The following TOR1B variants were observed in gnomAD, a reference collection of about 807,000 sequenced individuals.
TOR1B encodes torsin family 1 member B, also known as torsin-1B.
A neutral mutation model predicts 29.2 loss-of-function variants in TOR1B; 14 were observed. That is an observed-to-expected ratio of 0.48 (90% CI 0.32 to 0.75). The LOEUF (loss-of-function observed/expected upper bound fraction) is 0.75, where lower values mean the gene tolerates loss of function less well. TOR1B is among the 30% of genes least tolerant of loss of function. The pLI is 0.04. For synonymous variants in TOR1B, 166 were observed against 179.8 expected, an observed-to-expected ratio of 0.92 and a Z score of 0.62; for missense variants, 400 against 433.9, an observed-to-expected ratio of 0.92 and a Z score of 0.69.
At position 129,803,344 on chromosome 9, in the gene TOR1B, G is replaced by A. The variant is rs1255198523; in HGVS notation, c.132G>A (p.Leu44=). 2.5e-6 allele frequency: 4 copies of A among 1,589,418 alleles called. No homozygotes were observed. The highest frequency in any genetic ancestry group is 2.6e-6 in the Non-Finnish European group (3 of 1,171,434). The change falls in exon 1 of 5, where the codon CTG becomes CTA. Residue 44 remains leucine, a synonymous_variant. Transcript: ENST00000259339. ...CCGCGTCGGCCATCACCGGCTACCT[G>A]TCCTACAATGACATCTACTGCCGCT... The part of the protein sequence containing the change: ...IGAASAITGY[L]SYNDIYCRFA...
In TOR1B at chr9:129,811,079, GAATT is replaced by G. The variant is rs1254014191; in HGVS notation, c.*1501_*1504del. On this transcript the variant is annotated 3_prime_UTR_variant, in exon 5 of 5. Coordinates refer to ENST00000259339, the MANE Select transcript of TOR1B (RefSeq NM_014506.3). ...GCATTTTTTACATAAAAATATGGTA[GAATT>G]AATTTATGACATGGAAATGCCTTAC... 6.6e-6 allele frequency: 1 copy of G among 152,120 alleles called. No homozygotes were observed. Among genetic ancestry groups the G allele is most frequent in the African/African-American group, 2.4e-5 (1 of 41,404 alleles). The allele number at this position is 152,120 out of a possible 1,614,324, so 9.4% of individuals were successfully genotyped here. A position where few individuals can be genotyped will look rare whatever the true frequency, so the allele number is the denominator to read the frequency against.
chr9:129,810,346 T>C lies in TOR1B; in HGVS notation c.*763T>C, dbSNP rs71481355. The C allele has an allele frequency of 5.7e-5, 57 of 996,220 alleles. No homozygotes were observed. The highest frequency in any genetic ancestry group is 6.7e-5 in the African/African-American group (3 of 44,750). The allele number at this position is 996,220 out of a possible 1,614,324, so 61.7% of individuals were successfully genotyped here. Reference sequence around the variant, plus strand: ...TGATCTGAGCTGACCTGTGTGTGTGTGTGTGGGGGGGTGGGGCCTTCACCT... The same window carrying C: ...TGATCTGAGCTGACCTGTGTGTGTGCGTGTGGGGGGGTGGGGCCTTCACCT... On this transcript the variant is annotated 3_prime_UTR_variant, in exon 5 of 5. Coordinates refer to ENST00000259339, the MANE Select transcript of TOR1B (RefSeq NM_014506.3).
At chr9:129,803,533 T>G in intron 1 of TOR1B, 122 bp downstream of exon 1, 36 of 913,924 alleles carry the variant, frequency 3.9e-5, no homozygotes, top group South Asian at 4.4e-5. Context: ...ACGGCGGTGG[T>G]CCCAGCTGGG....
In TOR1B at chr9:129,810,386, A is replaced by C. The variant is rs969976109; in HGVS notation, c.*803A>C. 20 of 1,232,830 alleles carry C rather than the reference A, an allele frequency of 1.6e-5. No homozygotes were observed. Among genetic ancestry groups the C allele is most frequent in the Middle Eastern group, 6.9e-4 (2 of 2,900 alleles). The allele number at this position is 1,232,830 out of a possible 1,614,324, so 76.4% of individuals were successfully genotyped here. On this transcript the variant is annotated 3_prime_UTR_variant, in exon 5 of 5. Transcript: ENST00000259339. ...GGCCTTCACCTAAGACCTCTGCAGC[A>C]GACCTGGACAGACAGGCCCCTCCCG...
intron 2 of TOR1B, 61 bp from the exon 3 acceptor site, chr9:129,807,127 C>G: frequency 1.3e-6 from 2 of 1,550,956 alleles, no homozygotes; most frequent in Non-Finnish European, 1.8e-6. Context: ...ATGGAGCCTG[C>G]GCGCCTCTTG....
chr9:129,803,447 G>GGGGGGCGCGGGGGCGC (rs151251684), intron 1 of TOR1B, 36 bp downstream of exon 1: 1 of 1,319,244 alleles, frequency 7.6e-7, no homozygotes, highest in Non-Finnish European at 9.6e-7. Context: ...TCGGCGCTGC[G>GGGGGGCGCGGGGGCGC]GGGGGCGCGG....
In TOR1B at chr9:129,810,973, C is replaced by T. The variant is rs1056725194; in HGVS notation, c.*1390C>T. 6.6e-6 allele frequency: 1 copy of T among 152,162 alleles called. No individual in the cohort carries two copies. The highest frequency in any genetic ancestry group is 2.4e-5 in the African/African-American group (1 of 41,426). 9.4% of individuals were successfully genotyped at this position (152,162 alleles called of 1,614,324 possible). Reference sequence around the variant, plus strand: ...GGCTGGACTGCCCTGATCCCTGGGACGTGAGACTTAGCTTCCAGCCAGTGT... The same window carrying T: ...GGCTGGACTGCCCTGATCCCTGGGATGTGAGACTTAGCTTCCAGCCAGTGT... On this transcript the variant is annotated 3_prime_UTR_variant, in exon 5 of 5. Coordinates refer to ENST00000259339, the MANE Select transcript of TOR1B (RefSeq NM_014506.3).
Position 129,809,952 on chromosome 9 carries a change from C to A in TOR1B, c.*369C>A. 8.4e-7 allele frequency: 1 copy of A among 1,187,540 alleles called. No individual in the cohort carries two copies. Among genetic ancestry groups the A allele is most frequent in the Non-Finnish European group, 1.1e-6 (1 of 942,302 alleles). The allele number at this position is 1,187,540 out of a possible 1,614,324, so 73.6% of individuals were successfully genotyped here. A position where few individuals can be genotyped will look rare whatever the true frequency, so the allele number is the denominator to read the frequency against. Reference sequence around the variant, plus strand: ...ATTTAGCAAGATGGCAGCAGTCCAGCTGTTCTTTGCAGCTGGAGATGAACT... The same window carrying A: ...ATTTAGCAAGATGGCAGCAGTCCAGATGTTCTTTGCAGCTGGAGATGAACT... On this transcript the variant is annotated 3_prime_UTR_variant, in exon 5 of 5. Coordinates refer to ENST00000259339, the MANE Select transcript of TOR1B (RefSeq NM_014506.3).
At position 129,811,120 on chromosome 9, in the gene TOR1B, C is replaced by G. The variant is rs773573361; in HGVS notation, c.*1537C>G. 7 of 152,148 alleles carry G rather than the reference C, an allele frequency of 4.6e-5. No individual in the cohort carries two copies. The highest frequency in any genetic ancestry group is 2.0e-4 in the Admixed American group (3 of 15,276). The allele number at this position is 152,148 out of a possible 1,614,324, so 9.4% of individuals were successfully genotyped here. A position where few individuals can be genotyped will look rare whatever the true frequency, so the allele number is the denominator to read the frequency against. On this transcript the variant is annotated 3_prime_UTR_variant, in exon 5 of 5. Coordinates refer to ENST00000259339, the MANE Select transcript of TOR1B (RefSeq NM_014506.3). ...TGGAAATGCCTTACGTGGTATCACA[C>G]TTAGTCTTGAAAAAAACACCAAGGT...
Position 129,804,197 on chromosome 9 carries a change from C to T in TOR1B, c.324C>T (p.His108=), listed in dbSNP as rs1298652314. 3.7e-6 allele frequency: 6 copies of T among 1,614,086 alleles called. No homozygotes were observed. Among genetic ancestry groups the T allele is most frequent in the African/African-American group, 2.7e-5 (2 of 74,924 alleles). ...NPKKPLTLSL[H]GWAGTGKNFV... The stretch of plus-strand genomic sequence containing the variant: ...AGAAACCACTGACCCTTTCCTTACA[C>T]GGCTGGGCTGGCACAGGCAAGAATT... Residue 108 remains histidine (H), a synonymous_variant, in exon 2 of 5, where the codon CAC becomes CAT. Coordinates refer to ENST00000259339, the MANE Select transcript of TOR1B (RefSeq NM_014506.3).
At position 129,809,569 on chromosome 9, in the gene TOR1B, C is replaced by G; in HGVS notation, c.997C>G (p.Leu333Val). ...DKGCKTVQSR[L>V]DFH ...GGGCTGCAAGACTGTGCAGTCGCGG[C>G]TGGATTTCCACTGAGCTCCTATCCA... Residue 333 changes from leucine to valine, a missense_variant, in exon 5 of 5, where the codon CTG becomes GTG. By Grantham distance (32) the Leu-to-Val change is conservative. Coordinates refer to ENST00000259339, the MANE Select transcript of TOR1B (RefSeq NM_014506.3). The G allele has an allele frequency of 6.2e-7, 1 of 1,614,198 alleles. No homozygotes were observed. The highest frequency in any genetic ancestry group is 8.5e-7 in the Non-Finnish European group (1 of 1,180,046).
chr9:129,803,922 C>A (rs2030313220), intron 1 of TOR1B, 151 bp from the exon 2 acceptor site: 4 of 935,068 alleles, frequency 4.3e-6, no homozygotes, highest in South Asian at 3.4e-5. Flanking sequence ...AAAGTGGCAT[C>A]GTTTGACTGC....
rs1461166081 is a variant in TOR1B, at chr9:129,809,458, G to A, written c.886G>A (p.Gly296Ser). ...TGTGAGGGCCGAGATGAGGGCCCGT[G>A]GTTCTGCCATAGATGAAGACATTGT... ...MCVRAEMRARGSAIDEDIVTR... is the reference protein window; with the variant it reads ...MCVRAEMRARSSAIDEDIVTR... The change falls in exon 5 of 5, where the codon GGT becomes AGT. Residue 296 changes from glycine (G) to serine (S), a missense_variant. Coordinates refer to ENST00000259339, the MANE Select transcript of TOR1B (RefSeq NM_014506.3). The A allele has an allele frequency of 6.2e-7, 1 of 1,614,218 alleles. No individual in the cohort carries two copies. Among genetic ancestry groups the A allele is most frequent in the South Asian group, 1.1e-5 (1 of 91,086 alleles).
Position 129,803,253 on chromosome 9 carries a change from C to T in TOR1B, c.41C>T (p.Ala14Val). The part of the protein sequence containing the change: ...AGWLRGAAAL[A>V]LLLAARVVAA... Reference sequence around the variant, plus strand: ...TGGCTCCGGGGCGCGGCGGCGCTGGCGCTGCTGCTGGCGGCCCGAGTGGTG... The same window carrying T: ...TGGCTCCGGGGCGCGGCGGCGCTGGTGCTGCTGCTGGCGGCCCGAGTGGTG... Residue 14 changes from alanine to valine, a missense_variant, in exon 1 of 5, where the codon GCG becomes GTG. By Grantham distance (64) the Ala-to-Val change is moderately conservative. Transcript: ENST00000259339. 1.3e-6 allele frequency: 2 copies of T among 1,552,920 alleles called. No individual in the cohort carries two copies. The highest frequency in any genetic ancestry group is 8.7e-7 in the Non-Finnish European group (1 of 1,155,998).
chr9:129,810,352 G>GC lies in TOR1B; in HGVS notation c.*769_*770insC. 2.7e-6 allele frequency: 3 copies of GC among 1,100,416 alleles called. 1 individual carries two copies. Among genetic ancestry groups the GC allele is most frequent in the South Asian group, 1.4e-5 (1 of 69,596 alleles). The allele number at this position is 1,100,416 out of a possible 1,614,324, so 68.2% of individuals were successfully genotyped here. ...GAGCTGACCTGTGTGTGTGTGTGTGGGGGGGTGGGGCCTTCACCTAAGACC... is the reference window on the plus strand; with the variant it reads ...GAGCTGACCTGTGTGTGTGTGTGTGGCGGGGGTGGGGCCTTCACCTAAGACC... On this transcript the variant is annotated 3_prime_UTR_variant, in exon 5 of 5. Transcript: ENST00000259339.
In TOR1B at chr9:129,810,159, C is replaced by T; in HGVS notation, c.*576C>T. 2.3e-6 allele frequency: 3 copies of T among 1,303,894 alleles called. No individual in the cohort carries two copies. Among genetic ancestry groups the T allele is most frequent in the Non-Finnish European group, 3.0e-6 (3 of 988,710 alleles). The allele number at this position is 1,303,894 out of a possible 1,614,324, so 80.8% of individuals were successfully genotyped here. A position where few individuals can be genotyped will look rare whatever the true frequency, so the allele number is the denominator to read the frequency against. ...GGGGGCACTGGGTGGTTCTCACCAG[C>T]AGGCTGCGGGGCACTGTGTTCTCAT... On this transcript the variant is annotated 3_prime_UTR_variant, in exon 5 of 5. Coordinates refer to ENST00000259339, the MANE Select transcript of TOR1B (RefSeq NM_014506.3).
chr9:129,805,154 A>AG (rs1205357120), intron 2 of TOR1B, among the ~76,000 whole-genome samples: 32 of 149,122 alleles, frequency 2.1e-4, no homozygotes, highest in East Asian at 2.0e-4. Flanking sequence ...AAAAAAAAAA[A>AG]AGAGAGATGT....
Position 129,810,190 on chromosome 9 carries a change from A to G in TOR1B, c.*607A>G, listed in dbSNP as rs2030764423. ...GCGGGGCACTGTGTTCTCATTGGCCAAAAACATCCTTTTGCTCTGTCTCGT... is the reference window on the plus strand; with the variant it reads ...GCGGGGCACTGTGTTCTCATTGGCCGAAAACATCCTTTTGCTCTGTCTCGT... On this transcript the variant is annotated 3_prime_UTR_variant, in exon 5 of 5. Coordinates refer to ENST00000259339, the MANE Select transcript of TOR1B (RefSeq NM_014506.3). 1 of 1,303,888 alleles carries G rather than the reference A, an allele frequency of 7.7e-7. No homozygotes were observed. Among genetic ancestry groups the G allele is most frequent in the Non-Finnish European group, 1.0e-6 (1 of 988,850 alleles). 80.8% of individuals were successfully genotyped at this position (1,303,888 alleles called of 1,614,324 possible). A position where few individuals can be genotyped will look rare whatever the true frequency, so the allele number is the denominator to read the frequency against.
At chr9:129,804,403 A>C in intron 2 of TOR1B, 65 bp downstream of exon 2, 1 of 1,572,720 alleles carries the variant, frequency 6.4e-7, no homozygotes, top group South Asian at 1.2e-5. Context: ...CCTGCTCACT[A>C]ACTCTGGCCT....
Sources: gnomAD v4.1 joint callset for allele counts (sites outside exome capture counted in the v4.1 genomes callset) on GRCh38, gnomAD v4.1.1 for gene constraint, MANE v1.5 for transcripts, NCBI Gene and HGNC (gene_info 2026-07-23, HGNC 2026-07-21) for gene names.